Variants in ZNF804A observed in about 807,000 individuals in gnomAD.
ZNF804A encodes the protein zinc finger protein 804A.
In ZNF804A, 2 loss-of-function variants were observed where a neutral mutation model predicts 16.5. The observed-to-expected ratio is 0.12, with a 90% confidence interval of 0.05 to 0.38. The LOEUF is 0.38. ZNF804A is among the 10% of genes least tolerant of loss of function. The pLI, the probability that ZNF804A is intolerant of heterozygous loss-of-function variation, is 0.99. For missense variants in ZNF804A, 1,473 were observed against 1,390.7 expected (o/e 1.06, Z -0.94); for synonymous variants, 534 against 489.6 (o/e 1.09, Z -1.20).
intron 2 of ZNF804A, among the ~76,000 whole-genome samples, chr2:184,874,487 C>T (rs1200454749): frequency 6.6e-6 from 1 of 151,994 alleles, no homozygotes; most frequent in Non-Finnish European, 1.5e-5. Context: ...GTCTTAATTT[C>T]AGGGAAATAC....
chr2:184,923,581 C>G (rs969720510), intron 2 of ZNF804A, among the ~76,000 whole-genome samples: 4 of 152,010 alleles, frequency 2.6e-5, no homozygotes, highest in Admixed American at 1.3e-4. Flanking sequence ...GATTTCAGTA[C>G]TCTGTTGAAT....
chr2:184,713,107 C>G (rs773418985), intron 1 of ZNF804A, among the ~76,000 whole-genome samples: 1 of 151,660 alleles, frequency 6.6e-6, no homozygotes, highest in Non-Finnish European at 1.5e-5. Flanking sequence ...CCATTAGCGT[C>G]TGTATATTTG....
chr2:184,677,436 G>T (rs1272411130), intron 1 of ZNF804A, among the ~76,000 whole-genome samples: 1 of 151,896 alleles, frequency 6.6e-6, no homozygotes, highest in Admixed American at 6.6e-5. Context: ...TACCATGAGT[G>T]GTGTAGACAG....
chr2:184,737,878 C>T (rs759201391), intron 1 of ZNF804A, among the ~76,000 whole-genome samples: 3 of 152,102 alleles, frequency 2.0e-5, no homozygotes, highest in Non-Finnish European at 4.4e-5. Flanking sequence ...AATCCCAGCA[C>T]TTTGGAAGGC....
At chr2:184,620,617 C>A (rs933377838) in intron 1 of ZNF804A, among the ~76,000 whole-genome samples, 2 of 151,614 alleles carry the variant, frequency 1.3e-5, no homozygotes, top group South Asian at 2.1e-4. Flanking sequence ...TATGGAATCA[C>A]ACATATTATT....
intron 1 of ZNF804A, among the ~76,000 whole-genome samples, chr2:184,699,177 G>T (rs1692882500): frequency 1.3e-5 from 2 of 152,092 alleles, no homozygotes; most frequent in African/African-American, 4.8e-5. Flanking sequence ...AATTGGCAAT[G>T]ATGGCATAAT....
chr2:184,884,703 A>G (rs1050228970), intron 2 of ZNF804A, among the ~76,000 whole-genome samples: 3 of 152,162 alleles, frequency 2.0e-5, no homozygotes, highest in Non-Finnish European at 4.4e-5. Context: ...CTCAAGATGT[A>G]TTAAAGACTT....
intron 2 of ZNF804A, among the ~76,000 whole-genome samples, chr2:184,867,623 G>C (rs1310927697): frequency 6.6e-6 from 1 of 151,984 alleles, no homozygotes; most frequent in African/African-American, 2.4e-5. Flanking sequence ...CTTTCCCCTG[G>C]TAGTAGATCT....
At chr2:184,707,687 T>C (rs1693053619) in intron 1 of ZNF804A, among the ~76,000 whole-genome samples, 1 of 152,148 alleles carries the variant, frequency 6.6e-6, no homozygotes, top group Admixed American at 6.6e-5. Context: ...TCCAATCCTC[T>C]ATGGATGAGC....
At chr2:184,749,672 G>T (rs1462542069) in intron 1 of ZNF804A, among the ~76,000 whole-genome samples, 1 of 151,248 alleles carries the variant, frequency 6.6e-6, no homozygotes, top group Non-Finnish European at 1.5e-5. Context: ...CAATTGTAAT[G>T]ATTCATTATT....
intron 1 of ZNF804A, among the ~76,000 whole-genome samples, chr2:184,815,471 A>G (rs987116449): frequency 6.6e-6 from 1 of 151,852 alleles, no homozygotes; most frequent in African/African-American, 2.4e-5. Flanking sequence ...ACATAAATGG[A>G]CATTATAATA....
chr2:184,738,747 T>C (rs1451371921), intron 1 of ZNF804A, among the ~76,000 whole-genome samples: 2 of 152,206 alleles, frequency 1.3e-5, no homozygotes, highest in East Asian at 1.9e-4. Flanking sequence ...TAATTTGTTA[T>C]GCAAAAGTTG....
chr2:184,780,020 G>A (rs540642358), intron 1 of ZNF804A, among the ~76,000 whole-genome samples: 3 of 151,858 alleles, frequency 2.0e-5, no homozygotes, highest in East Asian at 3.9e-4. Flanking sequence ...CAGGCTCCCA[G>A]GCTTCACAGG....
At chr2:184,746,959 A>T (rs1227542809) in intron 1 of ZNF804A, among the ~76,000 whole-genome samples, 1 of 151,412 alleles carries the variant, frequency 6.6e-6, no homozygotes, top group African/African-American at 2.4e-5. Flanking sequence ...AGTTCATTTC[A>T]GACAATCGAC....
At chr2:184,856,992 T>C (rs2105806849) in intron 1 of ZNF804A, among the ~76,000 whole-genome samples, 1 of 152,262 alleles carries the variant, frequency 6.6e-6, no homozygotes, top group Non-Finnish European at 1.5e-5. Context: ...GTTCTGGTCT[T>C]TACTATTTCG....
intron 1 of ZNF804A, among the ~76,000 whole-genome samples, chr2:184,630,220 A>G (rs1299415712): frequency 2.0e-5 from 3 of 152,240 alleles, no homozygotes; most frequent in Non-Finnish European, 4.4e-5. Flanking sequence ...CTATATTTAC[A>G]GTCTTTTATA....
chr2:184,628,007 A>G (rs1273008538), intron 1 of ZNF804A, among the ~76,000 whole-genome samples: 1 of 152,180 alleles, frequency 6.6e-6, no homozygotes, highest in African/African-American at 2.4e-5. Flanking sequence ...AAAATTTAGT[A>G]AGTTTATAAA....
At chr2:184,922,868 C>T (rs1197140989) in intron 2 of ZNF804A, among the ~76,000 whole-genome samples, 1 of 152,040 alleles carries the variant, frequency 6.6e-6, no homozygotes, top group Non-Finnish European at 1.5e-5. Flanking sequence ...AGTGAGTTCA[C>T]TGTAGATGTA....
intron 1 of ZNF804A, among the ~76,000 whole-genome samples, chr2:184,607,433 TGAAGGAGAA>T (rs1691167225): frequency 1.3e-5 from 2 of 152,142 alleles, no homozygotes; most frequent in African/African-American, 4.8e-5. Context: ...CATGATGGTG[TGAAGGAGAA>T]GTGCCGAGTG....
Sources: allele counts gnomAD v4.1 joint callset (sites outside exome capture counted in the v4.1 genomes callset), GRCh38; gene constraint gnomAD v4.1.1; transcripts MANE v1.5; gene names NCBI Gene and HGNC (gene_info 2026-07-23, HGNC 2026-07-21).